The following CKAP5 variants were observed in gnomAD, a reference collection of about 807,000 sequenced individuals.
CKAP5 encodes the protein cytoskeleton associated protein 5, also known as cytoskeleton-associated protein 5.
In CKAP5, 27 loss-of-function variants were observed where a neutral mutation model predicts 232.8. The ratio of observed to expected loss-of-function variants is 0.12; its 90% CI spans 0.09 to 0.16. The LOEUF is 0.16. Ranked by LOEUF, CKAP5 falls within the 10% of genes least tolerant of loss-of-function variation. The probability of loss-of-function intolerance (pLI) is 1.00; values close to 1 mark genes in which losing one functional copy is unlikely to be tolerated. For synonymous variants in CKAP5, 785 were observed against 841.1 expected (o/e 0.93, Z 1.16); for missense variants, 1,838 against 2,424.7 (o/e 0.76, Z 5.08).
At chr11:46,746,040 A>C (rs944969815) in intron 42 of CKAP5, among the ~76,000 whole-genome samples, 1 of 152,222 alleles carries the variant, frequency 6.6e-6, no homozygotes, top group Admixed American at 6.6e-5. Context: ...CCTATTTAAG[A>C]GAACAAAATT....
rs746179101 is a variant in CKAP5 at position 46,797,952 on chromosome 11, G to T, written c.1191C>A (p.Ile397=). The change falls in exon 11 of 44, where the codon ATC becomes ATA. Residue 397 remains isoleucine (I), a synonymous_variant. Coordinates refer to ENST00000529230, the MANE Select transcript of CKAP5 (RefSeq NM_001008938.4). ...AIFLTTTLQN[I]SEDVLAVMDN... is the part of the protein sequence containing the mutation. ...CCATTACTGCTAAAACATCCTCACT[G>T]ATGTTCTGTAGTGTGGTCTTTAGAA... The T allele has an allele frequency of 1.2e-6, 2 of 1,613,846 alleles. No individual in the cohort carries two copies. The highest frequency in any genetic ancestry group is 1.7e-6 in the Non-Finnish European group (2 of 1,179,952).
chr11:46,780,603 T>C (rs908149553), intron 18 of CKAP5, 118 bp from the exon 19 acceptor site: 3 of 731,186 alleles, frequency 4.1e-6, no homozygotes, highest in South Asian at 1.7e-5. Flanking sequence ...ACTTTTTCTC[T>C]TCCTACACTA....
At chr11:46,846,142 G>A (rs965220106) in intron 1 of CKAP5, 78 bp downstream of exon 1, 2 of 152,154 alleles carry the variant, frequency 1.3e-5, no homozygotes, top group East Asian at 3.9e-4. Flanking sequence ...CAGCCGCCCA[G>A]GATTCAGGGG....
At chr11:46,752,137 G>T (rs1326872359) in intron 38 of CKAP5, among the ~76,000 whole-genome samples, 1 of 126,768 alleles carries the variant, frequency 7.9e-6, no homozygotes, top group African/African-American at 2.9e-5. Flanking sequence ...TAAATTGTAG[G>T]AAGGGAAAAA....
Position 46,743,847 on chromosome 11 carries a change from C to T in CKAP5, c.*176G>A. 9.4e-6 allele frequency: 7 copies of T among 745,332 alleles called. No homozygotes were observed. The highest frequency in any genetic ancestry group is 5.5e-5 in the South Asian group (3 of 54,484). 46.2% of individuals were successfully genotyped at this position (745,332 alleles called of 1,614,324 possible). ...GTCTTCTAGAGCAGCAGGACGCTGA[C>T]AGAGAGAAGCAGAGTATGTACAAAT... is the stretch of plus-strand genomic sequence containing the variant. On this transcript the variant is annotated 3_prime_UTR_variant, in exon 44 of 44. Transcript: ENST00000529230.
chr11:46,753,307 T>TACC lies in CKAP5; in HGVS notation c.5057_5057+2dup. 6.2e-7 allele frequency: 1 copy of TACC among 1,602,280 alleles called. No individual in the cohort carries two copies. The highest frequency in any genetic ancestry group is 8.5e-7 in the Non-Finnish European group (1 of 1,175,924). On this transcript the variant is annotated splice_region_variant and intron_variant, in intron 37 of 43. Coordinates refer to ENST00000529230, the MANE Select transcript of CKAP5 (RefSeq NM_001008938.4). ...GCTCTATTGGCTGAGAGTACAGATA[T>TACC]ACCTCAGGATGTTGGTCTGGTCTGA...
intron 27 of CKAP5, among the ~76,000 whole-genome samples, chr11:46,766,626 A>C (rs2065204673): frequency 6.6e-6 from 1 of 151,950 alleles, no homozygotes; most frequent in Non-Finnish European, 1.5e-5. Context: ...ATTTAGACTT[A>C]CTATTAGATT....
At chr11:46,806,004 G>A (rs991923632) in intron 8 of CKAP5, among the ~76,000 whole-genome samples, 4 of 152,228 alleles carry the variant, frequency 2.6e-5, no homozygotes, top group Admixed American at 1.3e-4. Flanking sequence ...AGAAAATGTC[G>A]TTTCAGGTTA....
intron 22 of CKAP5, 40 bp downstream of exon 22, chr11:46,778,099 G>C (rs772549675): frequency 1.3e-6 from 2 of 1,548,392 alleles, no homozygotes; most frequent in South Asian, 2.4e-5. Context: ...TGCAGCAGTG[G>C]GGAGGGGAGA....
chr11:46,748,980 C>T (rs1340580693), intron 42 of CKAP5, among the ~76,000 whole-genome samples: 6 of 151,282 alleles, frequency 4.0e-5, no homozygotes, highest in South Asian at 2.1e-4. Flanking sequence ...TACAGGCGCA[C>T]GCCACCACAC....
intron 4 of CKAP5, among the ~76,000 whole-genome samples, chr11:46,813,034 C>T (rs980452202): frequency 2.0e-4 from 30 of 152,196 alleles, no homozygotes; most frequent in African/African-American, 5.5e-4. Flanking sequence ...CTCACAGCAG[C>T]CTCACCCCCT....
chr11:46,774,389 A>G (rs1050535950), intron 24 of CKAP5, among the ~76,000 whole-genome samples: 4 of 152,218 alleles, frequency 2.6e-5, no homozygotes, highest in African/African-American at 7.2e-5. Context: ...GGAAGAATCA[A>G]TATCATGAAA....
At position 46,784,581 on chromosome 11, in the gene CKAP5, C is replaced by A; in HGVS notation, c.2061G>T (p.Val687=). The change falls in exon 17 of 44, where the codon GTG becomes GTT. Residue 687 remains valine, a synonymous_variant. Coordinates refer to ENST00000529230, the MANE Select transcript of CKAP5 (RefSeq NM_001008938.4). ...CACATTTCACATCTCCAATCTTGTC[C>A]ACAAGGCCATCTAATACAACCTGAG... The part of the protein sequence containing the change: ...TSAQVVLDGL[V]DKIGDVKCGN... 6.2e-7 allele frequency: 1 copy of A among 1,614,028 alleles called. No homozygotes were observed. Among genetic ancestry groups the A allele is most frequent in the Non-Finnish European group, 8.5e-7 (1 of 1,179,944 alleles).
intron 33 of CKAP5, 182 bp downstream of exon 33, chr11:46,760,430 A>T: frequency 1.4e-6 from 1 of 699,410 alleles, no homozygotes; most frequent in South Asian, 1.6e-5. Context: ...AGTGGTTTTG[A>T]GACAAAGACA....
chr11:46,781,988 G>A (rs2065346734), intron 18 of CKAP5, among the ~76,000 whole-genome samples: 1 of 151,986 alleles, frequency 6.6e-6, no homozygotes, highest in African/African-American at 2.4e-5. Flanking sequence ...ACCACACCCA[G>A]CTAATTTTGT....
intron 24 of CKAP5, among the ~76,000 whole-genome samples, chr11:46,773,896 C>A (rs981010076): frequency 6.6e-6 from 1 of 152,102 alleles, no homozygotes; most frequent in Non-Finnish European, 1.5e-5. Context: ...CTATTTATGA[C>A]AAACCCACAG....
At chr11:46,832,235 T>C in intron 1 of CKAP5, among the ~76,000 whole-genome samples, 1 of 152,322 alleles carries the variant, frequency 6.6e-6, no homozygotes, top group East Asian at 1.9e-4. Context: ...AATTCTGAAG[T>C]AAACCCTTTT....
In CKAP5 at chr11:46,759,358, A is replaced by G. The variant is rs773865354; in HGVS notation, c.4479T>C (p.Asn1493=). 6.2e-7 allele frequency: 1 copy of G among 1,613,934 alleles called. No individual in the cohort carries two copies. Among genetic ancestry groups the G allele is most frequent in the South Asian group, 1.1e-5 (1 of 91,058 alleles). ...TTTCACATCGGACTGTACCATTGTC[A>G]TTCTCAATCTCATCTAGATCCAGCT... ...EFQLDLDEIE[N]DNGTVRCEMP... The change falls in exon 34 of 44, where the codon AAT becomes AAC. Residue 1493 remains asparagine, a synonymous_variant. Coordinates refer to ENST00000529230, the MANE Select transcript of CKAP5 (RefSeq NM_001008938.4).
intron 13 of CKAP5, among the ~76,000 whole-genome samples, chr11:46,791,750 T>C (rs543178877): frequency 5.6e-4 from 85 of 152,192 alleles, no homozygotes; most frequent in African/African-American, 2.0e-3. Context: ...GGGGAAAAAG[T>C]CACAAGAAAG....
Sources: allele counts gnomAD v4.1 joint callset (sites outside exome capture counted in the v4.1 genomes callset), GRCh38; gene constraint gnomAD v4.1.1; transcripts MANE v1.5; gene names NCBI Gene and HGNC (gene_info 2026-07-23, HGNC 2026-07-21).